MARCHF4: variants seen among roughly 807,000 people sequenced by gnomAD.
MARCHF4 encodes E3 ubiquitin-protein ligase MARCHF4.
Under a neutral mutation model 43.9 loss-of-function variants are expected in MARCHF4, and 14 were observed. The observed-to-expected ratio is 0.32, with a 90% CI of 0.21 to 0.50. The LOEUF is 0.50. Among genes scored for constraint, MARCHF4 ranks in the 20% least tolerant of loss-of-function variants. MARCHF4 has a pLI of 0.98. For synonymous variants in MARCHF4, 226 were observed against 213.3 expected, an observed-to-expected ratio of 1.06 and a Z score of -0.52; for missense variants, 468 against 536.7, an observed-to-expected ratio of 0.87 and a Z score of 1.27.
chr2:216,320,341 G>A lies in MARCHF4; in HGVS notation c.517-36612C>T, dbSNP rs970465837. ...AATAATAAACACTTCCAGTGATTGA[G>A]TCCTTACTAAAGGCCAGGTTCTCTA... is the stretch of plus-strand genomic sequence containing the variant. On this transcript the variant is annotated intron_variant, in intron 1 of 3. Coordinates refer to ENST00000273067, the MANE Select transcript of MARCHF4 (RefSeq NM_020814.3). Among the ~76,000 whole-genome samples, 5 of 152,320 alleles carry A rather than the reference G, an allele frequency of 3.3e-5. No individual in the cohort carries two copies. In the South Asian group the frequency reaches 1.0e-3, roughly 32 times the overall value.
intron 1 of MARCHF4, among the ~76,000 whole-genome samples, chr2:216,302,115 A>C (rs1349331468): frequency 6.6e-6 from 1 of 152,258 alleles, no homozygotes; most frequent in Non-Finnish European, 1.5e-5. Context: ...CAAAATTTGC[A>C]GTAAACTCTA....
At chr2:216,273,825 C>A (rs1690978457) in intron 3 of MARCHF4, among the ~76,000 whole-genome samples, 1 of 152,250 alleles carries the variant, frequency 6.6e-6, no homozygotes. Context: ...GTTCCCTGTT[C>A]TAGCTTCTCT....
chr2:216,311,529 A>T (rs1691686840), intron 1 of MARCHF4, among the ~76,000 whole-genome samples: 1 of 152,172 alleles, frequency 6.6e-6, no homozygotes, highest in Non-Finnish European at 1.5e-5. Context: ...AAGTGCTGGG[A>T]TTACAGGTGT....
intron 1 of MARCHF4, among the ~76,000 whole-genome samples, chr2:216,327,843 G>A (rs2105967981): frequency 6.6e-6 from 1 of 151,978 alleles, no homozygotes; most frequent in South Asian, 2.1e-4. Flanking sequence ...TTCTACAGGT[G>A]TGAAACCAGA....
intron 2 of MARCHF4, among the ~76,000 whole-genome samples, chr2:216,279,784 C>T (rs188686491): frequency 9.2e-5 from 14 of 152,322 alleles, no homozygotes; most frequent in East Asian, 1.9e-4. Flanking sequence ...TGTTTCCCCC[C>T]GCCTAGGGTT....
At chr2:216,303,171 C>T (rs888197544) in intron 1 of MARCHF4, among the ~76,000 whole-genome samples, 1 of 152,148 alleles carries the variant, frequency 6.6e-6, no homozygotes, top group Non-Finnish European at 1.5e-5. Context: ...AACGTCATCT[C>T]CTAGAAAAGC....
intron 1 of MARCHF4, among the ~76,000 whole-genome samples, chr2:216,324,002 T>G (rs1691947623): frequency 6.6e-6 from 1 of 151,946 alleles, no homozygotes; most frequent in Non-Finnish European, 1.5e-5. Context: ...AAAAAAACCC[T>G]TCAAAAAATT....
chr2:216,365,943 G>C (rs10932659), intron 1 of MARCHF4, among the ~76,000 whole-genome samples: 1 of 152,162 alleles, frequency 6.6e-6, no homozygotes, highest in African/African-American at 2.4e-5. Context: ...TGATGGAAAC[G>C]GACAAGCTCT....
chr2:216,368,253 C>A (rs1692697615), intron 1 of MARCHF4, among the ~76,000 whole-genome samples: 1 of 152,148 alleles, frequency 6.6e-6, no homozygotes, highest in South Asian at 2.1e-4. Flanking sequence ...AAGTGAGGCA[C>A]CCTCTTGTTG....
chr2:216,306,766 A>T (rs1691593188), intron 1 of MARCHF4, among the ~76,000 whole-genome samples: 1 of 152,166 alleles, frequency 6.6e-6, no homozygotes, highest in Non-Finnish European at 1.5e-5. Flanking sequence ...AAATGAGGTC[A>T]CTTGCCCAAT....
chr2:216,370,399 C>T lies in MARCHF4; in HGVS notation c.-139G>A, dbSNP rs2105989596. Reference sequence around the variant, plus strand: ...TCACTGGCTTTTCTTACAACCCCTCCAAGTAGCAAATAAATTGCTCCCAGG... The same window carrying T: ...TCACTGGCTTTTCTTACAACCCCTCTAAGTAGCAAATAAATTGCTCCCAGG... On this transcript the variant is annotated 5_prime_UTR_variant, in exon 1 of 4. Transcript: ENST00000273067. 1.6e-6 allele frequency: 1 copy of T among 615,712 alleles called. No individual in the cohort carries two copies. The highest frequency in any genetic ancestry group is 2.9e-5 in the East Asian group (1 of 34,484). 38.1% of individuals were successfully genotyped at this position (615,712 alleles called of 1,614,324 possible).
chr2:216,293,823 C>G (rs1304451014), intron 1 of MARCHF4, among the ~76,000 whole-genome samples: 1 of 134,612 alleles, frequency 7.4e-6, no homozygotes, highest in East Asian at 2.1e-4. Flanking sequence ...TCTATGAAGT[C>G]AAACATGATC....
chr2:216,292,768 A>G (rs1023600798), intron 1 of MARCHF4, among the ~76,000 whole-genome samples: 3 of 152,132 alleles, frequency 2.0e-5, no homozygotes, highest in African/African-American at 4.8e-5. Flanking sequence ...AGGATCACCA[A>G]TGGGGCCAGC....
chr2:216,362,499 T>C (rs1574488618), intron 1 of MARCHF4, among the ~76,000 whole-genome samples: 1 of 152,210 alleles, frequency 6.6e-6, no homozygotes, highest in Non-Finnish European at 1.5e-5. Flanking sequence ...CAAAACAATC[T>C]TTCCATGAAG....
chr2:216,283,864 A>G, intron 1 of MARCHF4, 135 bp from the exon 2 acceptor site: 1 of 951,510 alleles, frequency 1.1e-6, no homozygotes, highest in Non-Finnish European at 1.5e-6. Context: ...GGGGCACCAG[A>G]CTCCATGGAG....
chr2:216,335,446 C>T (rs1692142550), intron 1 of MARCHF4, among the ~76,000 whole-genome samples: 1 of 152,126 alleles, frequency 6.6e-6, no homozygotes, highest in Admixed American at 6.5e-5. Flanking sequence ...GAGGTTAACA[C>T]ACAATCTGAG....
intron 1 of MARCHF4, among the ~76,000 whole-genome samples, chr2:216,367,950 G>C (rs1265995283): frequency 6.6e-6 from 1 of 152,042 alleles, no homozygotes; most frequent in Non-Finnish European, 1.5e-5. Context: ...AGGAGGGGGG[G>C]GCATGAAAAG....
rs1286315757 is a variant in MARCHF4 at position 216,289,011 on chromosome 2, A to G, written c.517-5282T>C. On this transcript the variant is annotated intron_variant, in intron 1 of 3. Coordinates refer to ENST00000273067, the MANE Select transcript of MARCHF4 (RefSeq NM_020814.3). ...GATGACACCAGAGGAATTTATATAT[A>G]TCTATATATGAAAATATATAAAAAT... 5.4e-5 allele frequency among the ~76,000 whole-genome samples: 8 copies of G among 148,174 alleles called. No homozygotes were observed. In the Admixed American group the frequency reaches 5.4e-4, roughly 10 times the overall value.
intron 1 of MARCHF4, among the ~76,000 whole-genome samples, chr2:216,319,584 A>T (rs542853552): frequency 3.0e-4 from 46 of 152,324 alleles, no homozygotes; most frequent in African/African-American, 1.1e-3. Flanking sequence ...CAAATTATTC[A>T]TGCCCTATAG....
Sources: allele counts gnomAD v4.1 joint callset (sites outside exome capture counted in the v4.1 genomes callset), GRCh38; gene constraint gnomAD v4.1.1; transcripts MANE v1.5; gene names NCBI Gene and HGNC (gene_info 2026-07-23, HGNC 2026-07-21).